AK5: variants seen among roughly 807,000 people sequenced by gnomAD.
The protein encoded by AK5 is adenylate kinase 5.
Under a neutral mutation model 69.5 loss-of-function variants are expected in AK5, and 27 were observed. The ratio of observed to expected loss-of-function variants is 0.39; its 90% confidence interval spans 0.29 to 0.54. AK5 has a LOEUF of 0.54. AK5 is among the 20% of genes least tolerant of loss of function. The pLI is 0.71. For missense variants in AK5, 531 were observed against 700.4 expected (o/e 0.76, Z 2.73); for synonymous variants, 260 against 244.4 (o/e 1.06, Z -0.60).
intron 1 of AK5, among the ~76,000 whole-genome samples, chr1:77,283,843 G>C (rs1044073889): frequency 6.6e-6 from 1 of 151,996 alleles, no homozygotes; most frequent in Admixed American, 6.6e-5. Flanking sequence ...TCATTTCTAC[G>C]CTTCTAAAAG....
intron 10 of AK5, among the ~76,000 whole-genome samples, chr1:77,517,063 C>T (rs1480458906): frequency 7.0e-5 from 5 of 71,576 alleles, no homozygotes; most frequent in Non-Finnish European, 1.3e-4. Flanking sequence ...AAAGCAAGAC[C>T]ATCTCAAAAA....
chr1:77,517,160 T>C (rs1368751414), intron 10 of AK5, among the ~76,000 whole-genome samples: 2 of 150,508 alleles, frequency 1.3e-5, no homozygotes, highest in Non-Finnish European at 3.0e-5. Flanking sequence ...GGTGCTGCTG[T>C]AGGGAATTTG....
intron 5 of AK5, among the ~76,000 whole-genome samples, chr1:77,307,912 G>A (rs1360556520): frequency 6.6e-6 from 1 of 152,184 alleles, no homozygotes; most frequent in Non-Finnish European, 1.5e-5. Context: ...TCATGAAGGT[G>A]TTTTTTCTAT....
intron 6 of AK5, among the ~76,000 whole-genome samples, chr1:77,377,857 C>T (rs1647349735): frequency 6.6e-6 from 1 of 152,158 alleles, no homozygotes; most frequent in African/African-American, 2.4e-5. Context: ...TATACCTTTG[C>T]ATGCCTTTTC....
Position 77,293,808 on chromosome 1 carries a change from C to T in AK5, c.263C>T (p.Ser88Leu), listed in dbSNP as rs1247003129. 5.0e-6 allele frequency: 8 copies of T among 1,599,726 alleles called. No individual in the cohort carries two copies. Among genetic ancestry groups the T allele is most frequent in the Non-Finnish European group, 6.8e-6 (8 of 1,175,406 alleles). ...SFLRNVMPEN[S>L]NFPYRRYDRL... ...TCTTTTGCAGTAATGCCTGAAAACTCAAACTTTCCATATCGGCGGTATGAC... is the reference window on the plus strand; with the variant it reads ...TCTTTTGCAGTAATGCCTGAAAACTTAAACTTTCCATATCGGCGGTATGAC... Residue 88 changes from serine (S) to leucine (L), a missense_variant, in exon 3 of 14, where the codon TCA becomes TTA. Physicochemically the swap from Ser to Leu is moderately radical, Grantham distance 145. Coordinates refer to ENST00000354567, the MANE Select transcript of AK5 (RefSeq NM_174858.3).
At chr1:77,514,903 A>T (rs1657552472) in intron 10 of AK5, among the ~76,000 whole-genome samples, 1 of 152,204 alleles carries the variant, frequency 6.6e-6, no homozygotes, top group Admixed American at 6.5e-5. Context: ...CAGGAAAAGC[A>T]TTTCCAGGTA....
At chr1:77,326,312 G>A (rs1660801006) in intron 5 of AK5, among the ~76,000 whole-genome samples, 1 of 152,132 alleles carries the variant, frequency 6.6e-6, no homozygotes, top group Non-Finnish European at 1.5e-5. Flanking sequence ...AGAAATAAAT[G>A]TGGATAAGTG....
intron 8 of AK5, among the ~76,000 whole-genome samples, chr1:77,431,288 G>C (rs1420022929): frequency 1.3e-5 from 2 of 152,196 alleles, no homozygotes; most frequent in African/African-American, 4.8e-5. Flanking sequence ...TTAGTGACTA[G>C]AAATTTATTT....
At chr1:77,342,962 G>C (rs1661732361) in intron 6 of AK5, among the ~76,000 whole-genome samples, 1 of 152,002 alleles carries the variant, frequency 6.6e-6, no homozygotes, top group Admixed American at 6.6e-5. Context: ...AAAGGGTAAG[G>C]ATCTTTATTT....
At position 77,501,651 on chromosome 1, in the gene AK5, G is replaced by A. The variant is rs115655625; in HGVS notation, c.1147+15299G>A. ...ACCATCCTTTATGCAGTTCATCATT[G>A]AGCGAAATGTTGTTATGCAGCCCTT... is the stretch of plus-strand genomic sequence containing the variant. On this transcript the variant is annotated intron_variant, in intron 10 of 13. Coordinates refer to ENST00000354567, the MANE Select transcript of AK5 (RefSeq NM_174858.3). Among the ~76,000 whole-genome samples, 772 of 152,302 alleles carry A rather than the reference G, an allele frequency of 5.1e-3. 3 individuals are homozygous for A. The highest frequency in any genetic ancestry group is 0.018 in the African/African-American group (736 of 41,564).
In AK5 at chr1:77,470,846, TATATATATATATA is replaced by T. The variant is rs1654425344; in HGVS notation, c.1060-12470_1060-12458del. ...TTTAGAATATATATATATATATATA[TATATATATATATA>T]TATATATATATATATATTTTTTTTT... is the stretch of plus-strand genomic sequence containing the variant. On this transcript the variant is annotated intron_variant, in intron 8 of 13. Coordinates refer to ENST00000354567, the MANE Select transcript of AK5 (RefSeq NM_174858.3). Among the ~76,000 whole-genome samples the T allele has an allele frequency of 2.5e-3, 68 of 27,176 alleles. 6 individuals carry two copies. Among genetic ancestry groups the T allele is most frequent in the Middle Eastern group, 0.029 (1 of 34 alleles). 17.8% of individuals were successfully genotyped at this position (27,176 alleles called of 152,430 possible). A position where few individuals can be genotyped will look rare whatever the true frequency, so the allele number is the denominator to read the frequency against.
At chr1:77,447,847 A>G (rs897757113) in intron 8 of AK5, among the ~76,000 whole-genome samples, 2 of 152,228 alleles carry the variant, frequency 1.3e-5, no homozygotes, top group East Asian at 1.9e-4. Flanking sequence ...GTAGTATGCA[A>G]AAACCTGGAA....
intron 5 of AK5, among the ~76,000 whole-genome samples, chr1:77,329,948 C>T (rs893297556): frequency 6.6e-6 from 1 of 152,192 alleles, no homozygotes; most frequent in Non-Finnish European, 1.5e-5. Context: ...AGGCAGATCT[C>T]ACTAGCTGCA....
intron 10 of AK5, among the ~76,000 whole-genome samples, chr1:77,497,606 T>C (rs921703737): frequency 5.3e-5 from 8 of 152,154 alleles, no homozygotes; most frequent in Admixed American, 2.0e-4. Flanking sequence ...ACTTTTTTGT[T>C]TGTTGTTGTC....
intron 10 of AK5, among the ~76,000 whole-genome samples, chr1:77,495,842 T>A (rs1570256965): frequency 6.8e-6 from 1 of 146,544 alleles, no homozygotes; most frequent in East Asian, 2.1e-4. Context: ...TATATAGACT[T>A]AAAGGGGGGT....
At chr1:77,438,639 T>G (rs1422309662) in intron 8 of AK5, among the ~76,000 whole-genome samples, 1 of 152,094 alleles carries the variant, frequency 6.6e-6, no homozygotes, top group Non-Finnish European at 1.5e-5. Context: ...TTCAAATTAT[T>G]TATAGATGTG....
chr1:77,298,945 T>C (rs1659179088), intron 5 of AK5, among the ~76,000 whole-genome samples: 1 of 152,174 alleles, frequency 6.6e-6, no homozygotes, highest in African/African-American at 2.4e-5. Context: ...GCTCCTCCTT[T>C]CCTGAGAAAT....
At chr1:77,506,969 A>C (rs1657066189) in intron 10 of AK5, among the ~76,000 whole-genome samples, 1 of 152,146 alleles carries the variant, frequency 6.6e-6, no homozygotes, top group South Asian at 2.1e-4. Flanking sequence ...ACTGCACTCC[A>C]GCCTGGGTAA....
At chr1:77,364,766 C>T (rs562333661) in intron 6 of AK5, among the ~76,000 whole-genome samples, 17 of 152,118 alleles carry the variant, frequency 1.1e-4, no homozygotes, top group East Asian at 1.9e-4. Flanking sequence ...TTTATCCATT[C>T]GTCTGTTGAT....
Sources: gnomAD v4.1 joint callset for allele counts (sites outside exome capture counted in the v4.1 genomes callset) on GRCh38, gnomAD v4.1.1 for gene constraint, MANE v1.5 for transcripts, NCBI Gene and HGNC (gene_info 2026-07-23, HGNC 2026-07-21) for gene names.